TANGO6: variants seen among roughly 807,000 people sequenced by gnomAD.
The protein encoded by TANGO6 is transport and golgi organization 6 homolog, also known as transport and Golgi organization protein 6 homolog.
Under a neutral mutation model 114.2 loss-of-function variants are expected in TANGO6, and 90 were observed. That is an observed-to-expected ratio of 0.79 (90% confidence interval 0.66 to 0.94). TANGO6 has a LOEUF of 0.94. TANGO6 is among the 40% of genes least tolerant of loss of function. The pLI is 0.00. For missense variants in TANGO6, 1,274 were observed against 1,315.3 expected (o/e 0.97, Z 0.49); for synonymous variants, 477 against 509.8 (o/e 0.94, Z 0.87).
chr16:69,072,091 T>TGTGTGTGC (rs1960304962), intron 17 of TANGO6, among the ~76,000 whole-genome samples: 5 of 141,194 alleles, frequency 3.5e-5, no homozygotes, highest in African/African-American at 1.3e-4. Context: ...ACCGTGTGTG[T>TGTGTGTGC]GTGTGTGTAT....
chr16:68,934,535 A>G (rs1963281105), intron 14 of TANGO6, among the ~76,000 whole-genome samples: 1 of 152,210 alleles, frequency 6.6e-6, no homozygotes, highest in Admixed American at 6.5e-5. Flanking sequence ...CAAGAGAGAA[A>G]GTAATTACCT....
intron 15 of TANGO6, among the ~76,000 whole-genome samples, chr16:68,974,822 C>T (rs1285980950): frequency 6.6e-6 from 1 of 152,054 alleles, no homozygotes; most frequent in Non-Finnish European, 1.5e-5. Flanking sequence ...CACCTGTAAT[C>T]TCAGCGCTTT....
At chr16:68,962,237 C>A (rs995706558) in intron 14 of TANGO6, among the ~76,000 whole-genome samples, 6 of 152,150 alleles carry the variant, frequency 3.9e-5, no homozygotes, top group Non-Finnish European at 7.3e-5. Context: ...TAAAAGGTCT[C>A]ACATACGTAA....
At chr16:69,047,796 G>A (rs1168310733) in intron 17 of TANGO6, among the ~76,000 whole-genome samples, 1 of 152,036 alleles carries the variant, frequency 6.6e-6, no homozygotes, top group African/African-American at 2.4e-5. Context: ...GATTTATAGT[G>A]GCTAATATAA....
intron 17 of TANGO6, among the ~76,000 whole-genome samples, chr16:69,078,933 A>G (rs1214938475): frequency 1.3e-5 from 2 of 151,844 alleles, no homozygotes; most frequent in African/African-American, 2.4e-5. Context: ...TAGTAGAGAC[A>G]GGGTTTTGCC....
intron 15 of TANGO6, among the ~76,000 whole-genome samples, chr16:69,006,868 C>T (rs1292633437): frequency 1.3e-5 from 2 of 152,218 alleles, no homozygotes; most frequent in Non-Finnish European, 2.9e-5. Flanking sequence ...GTTGTATGCT[C>T]ACCATTACAA....
At chr16:68,853,399 C>T (rs952221441) in intron 1 of TANGO6, among the ~76,000 whole-genome samples, 1 of 151,790 alleles carries the variant, frequency 6.6e-6, no homozygotes, top group Non-Finnish European at 1.5e-5. Context: ...TGCATCATTA[C>T]TATTATCCCA....
At chr16:68,878,320 G>C (rs1055002483) in intron 6 of TANGO6, 40 bp downstream of exon 6, 4 of 1,553,486 alleles carry the variant, frequency 2.6e-6, no homozygotes, top group Non-Finnish European at 3.5e-6. Flanking sequence ...GCCTCTAAAG[G>C]ACCTTCTTCA....
At chr16:69,060,836 A>T (rs1166080263) in intron 17 of TANGO6, among the ~76,000 whole-genome samples, 2 of 151,864 alleles carry the variant, frequency 1.3e-5, no homozygotes, top group African/African-American at 4.8e-5. Flanking sequence ...TACTAAAAAT[A>T]CAAAAATTAG....
Position 68,909,394 on chromosome 16 carries a change from G to A in TANGO6, c.1984G>A (p.Val662Ile), listed in dbSNP as rs761031901. ...AATGTCTGAGCAGATATTCACAAAC[G>A]TCACTCAGGTCAGTAGTTGCCACAT... is the stretch of plus-strand genomic sequence containing the variant. ...ERMSEQIFTN[V>I]TQVVDFVAAT... Residue 662 changes from valine to isoleucine, a missense_variant, in exon 11 of 18, where the codon GTC (valine) becomes ATC (isoleucine). Coordinates refer to ENST00000261778, the MANE Select transcript of TANGO6 (RefSeq NM_024562.2). 5.3e-5 allele frequency: 81 copies of A among 1,529,066 alleles called. 1 individual carries two copies. In the Middle Eastern group the frequency reaches 1.2e-3, roughly 23 times the overall value. 94.7% of individuals were successfully genotyped at this position (1,529,066 alleles called of 1,614,324 possible).
At chr16:69,078,980 G>A (rs2152245052) in intron 17 of TANGO6, among the ~76,000 whole-genome samples, 1 of 152,076 alleles carries the variant, frequency 6.6e-6, no homozygotes, top group African/African-American at 2.4e-5. Context: ...CTGAGCTCAG[G>A]TGATCTGCCC....
intron 7 of TANGO6, among the ~76,000 whole-genome samples, chr16:68,897,774 C>T (rs1432337282): frequency 6.6e-6 from 1 of 152,048 alleles, no homozygotes; most frequent in African/African-American, 2.4e-5. Context: ...AATGGGGTTT[C>T]ACCATGTTGG....
Position 68,858,911 on chromosome 16 carries a change from C to T in TANGO6, c.95-973C>T, listed in dbSNP as rs184024809. ...GAAATCTTGTAATTTCTTTTTTGAC[C>T]GTAGATTATTTTAGAAGTACATTGT... On this transcript the variant is annotated intron_variant, in intron 1 of 17. Coordinates refer to ENST00000261778, the MANE Select transcript of TANGO6 (RefSeq NM_024562.2). Among the ~76,000 whole-genome samples the T allele has an allele frequency of 1.8e-3, 277 of 152,090 alleles. 1 individual carries two copies. The highest frequency in any genetic ancestry group is 3.4e-3 in the Middle Eastern group (1 of 294).
At chr16:68,850,914 AT>A (rs1423605618) in intron 1 of TANGO6, among the ~76,000 whole-genome samples, 2 of 152,006 alleles carry the variant, frequency 1.3e-5, no homozygotes, top group African/African-American at 2.4e-5. Context: ...TTTTGATTTA[AT>A]TTTTTTAACT....
At chr16:68,855,439 G>C (rs879268739) in intron 1 of TANGO6, among the ~76,000 whole-genome samples, 1 of 150,762 alleles carries the variant, frequency 6.6e-6, no homozygotes, top group East Asian at 2.0e-4. Context: ...GAGATCACCC[G>C]GGTGTGGTGG....
At chr16:68,899,413 T>C (rs537551283) in intron 7 of TANGO6, among the ~76,000 whole-genome samples, 1 of 152,298 alleles carries the variant, frequency 6.6e-6, no homozygotes, top group Admixed American at 6.5e-5. Context: ...TAAAAGTTTG[T>C]TGAATTGAAT....
At chr16:68,921,607 CTTTTTTTTTT>C (rs1167059062) in intron 12 of TANGO6, among the ~76,000 whole-genome samples, 1 of 57,942 alleles carries the variant, frequency 1.7e-5, no homozygotes, top group Non-Finnish European at 3.4e-5. Context: ...TGAGAGTGTG[CTTTTTTTTTT>C]TTTTTTTTTT....
At chr16:68,939,417 A>C (rs1963329840) in intron 14 of TANGO6, among the ~76,000 whole-genome samples, 1 of 152,112 alleles carries the variant, frequency 6.6e-6, no homozygotes, top group African/African-American at 2.4e-5. Context: ...ACCATAGTGG[A>C]AACTGGGTGA....
intron 7 of TANGO6, among the ~76,000 whole-genome samples, chr16:68,897,370 G>A (rs1435104882): frequency 6.6e-6 from 1 of 152,162 alleles, no homozygotes; most frequent in Non-Finnish European, 1.5e-5. Flanking sequence ...CCTTGAAGCA[G>A]ATACTTTGTT....
Sources: allele counts gnomAD v4.1 joint callset (sites outside exome capture counted in the v4.1 genomes callset), GRCh38; gene constraint gnomAD v4.1.1; transcripts MANE v1.5; gene names NCBI Gene and HGNC (gene_info 2026-07-23, HGNC 2026-07-21).